Variants in G3BP2 observed in about 807,000 individuals in gnomAD.
The protein encoded by G3BP2 is ras GTPase-activating protein-binding protein 2.
A neutral mutation model predicts 56.7 loss-of-function variants in G3BP2; 11 were observed. The observed-to-expected ratio is 0.19, with a 90% CI of 0.12 to 0.32. The LOEUF is 0.32. Ranked by LOEUF, G3BP2 falls within the 10% of genes least tolerant of loss-of-function variation. The probability of loss-of-function intolerance (pLI) is 1.00; values close to 1 mark genes in which losing one functional copy is unlikely to be tolerated. For missense variants in G3BP2, 340 were observed against 610.9 expected, an observed-to-expected ratio of 0.56 and a Z score of 4.67; for synonymous variants, 165 against 191.6, an observed-to-expected ratio of 0.86 and a Z score of 1.15.
At chr4:75,659,244 T>C (rs566497901) in intron 2 of G3BP2, among the ~76,000 whole-genome samples, 1 of 152,336 alleles carries the variant, frequency 6.6e-6, no homozygotes, top group East Asian at 1.9e-4. Context: ...TTTTTGATGA[T>C]TTAGTACATT....
intron 8 of G3BP2, among the ~76,000 whole-genome samples, chr4:75,650,938 A>T (rs1312529820): frequency 1.3e-5 from 2 of 152,232 alleles, no homozygotes; most frequent in Non-Finnish European, 2.9e-5. Context: ...TTCAGTAACT[A>T]TTTGTTCATT....
chr4:75,665,449 C>T (rs1732933599), intron 1 of G3BP2, among the ~76,000 whole-genome samples: 1 of 152,096 alleles, frequency 6.6e-6, no homozygotes, highest in African/African-American at 2.4e-5. Context: ...ACATATGCTA[C>T]ATTTAAAGTA....
At chr4:75,685,651 C>T (rs566248745) in intron 3 of G3BP2, among the ~76,000 whole-genome samples, 1 of 152,216 alleles carries the variant, frequency 6.6e-6, no homozygotes, top group East Asian at 1.9e-4. Flanking sequence ...GGCACAATTG[C>T]AGTTAGAACT....
intron 4 of G3BP2, among the ~76,000 whole-genome samples, chr4:75,657,351 C>T (rs536949236): frequency 6.6e-6 from 1 of 152,304 alleles, no homozygotes; most frequent in East Asian, 1.9e-4. Flanking sequence ...TCTTAATCAT[C>T]TATTTACAAA....
At chr4:75,692,698 T>C (rs1718918869) in intron 3 of G3BP2, among the ~76,000 whole-genome samples, 1 of 152,168 alleles carries the variant, frequency 6.6e-6, no homozygotes, top group African/African-American at 2.4e-5. Context: ...GGCTTTGCAT[T>C]GTATCTTTAT....
intron 3 of G3BP2, among the ~76,000 whole-genome samples, chr4:75,683,763 A>C (rs974319666): frequency 1.3e-5 from 2 of 152,032 alleles, no homozygotes; most frequent in African/African-American, 2.4e-5. Context: ...AGGAGCTCCC[A>C]GTTATCTCCC....
chr4:75,649,044 CAA>C (rs5859471), intron 8 of G3BP2: 320 of 170,400 alleles, frequency 1.9e-3, no homozygotes, highest in East Asian at 4.9e-3. Context: ...GTATTGCTAC[CAA>C]AAAAAAAAAT....
chr4:75,648,718 T>C lies in G3BP2; in HGVS notation c.849A>G (p.Glu283=). The part of the protein sequence containing the change: ...VSQPRVEAKP[E]VQSQPPRVRE... ...GCACACGAGGTGGCTGAGATTGAACTTCTGGTTTAGCTTCGACTCTTGGCT... is the reference window on the plus strand; with the variant it reads ...GCACACGAGGTGGCTGAGATTGAACCTCTGGTTTAGCTTCGACTCTTGGCT... Residue 283 remains glutamate (E), a synonymous_variant, in exon 9 of 12, where the codon GAA becomes GAG. Coordinates refer to ENST00000359707, the MANE Select transcript of G3BP2 (RefSeq NM_203505.3). 1 of 1,606,718 alleles carries C rather than the reference T, an allele frequency of 6.2e-7. No homozygotes were observed. Among genetic ancestry groups the C allele is most frequent in the Non-Finnish European group, 8.5e-7 (1 of 1,174,114 alleles).
At chr4:75,712,967 A>G (rs144670023) in intron 3 of G3BP2, among the ~76,000 whole-genome samples, 1,739 of 152,298 alleles carry the variant, frequency 0.011, 25 homozygotes, top group Non-Finnish European at 0.018. Flanking sequence ...CAGACCTGTT[A>G]TGCTATTTAC....
At chr4:75,705,431 T>C (rs1330487464) in intron 3 of G3BP2, among the ~76,000 whole-genome samples, 1 of 152,244 alleles carries the variant, frequency 6.6e-6, no homozygotes, top group East Asian at 1.9e-4. Flanking sequence ...ATTCCTACTT[T>C]CCAGTGGATT....
At chr4:75,686,667 T>C (rs60945555) in intron 3 of G3BP2, among the ~76,000 whole-genome samples, 25,464 of 152,030 alleles carry the variant, frequency 0.17, 2,218 homozygotes, top group South Asian at 0.35. Context: ...AGAGCATGGC[T>C]TACAATAGTG....
At chr4:75,672,740 G>C (rs139563181) in intron 1 of G3BP2, 6 of 152,394 alleles carry the variant, frequency 3.9e-5, no homozygotes, top group African/African-American at 1.4e-4. Context: ...GGGTGGCGAC[G>C]GCCTCTCCGC....
chr4:75,646,529 A>G lies in G3BP2; in HGVS notation c.1058-73T>C, dbSNP rs941821576. ...ACCTTGATGGCTCTAATTGTTCAGG[A>G]TGAATATCGTTATCTCCCCGATCCA... On this transcript the variant is annotated intron_variant, in intron 10 of 11. Transcript: ENST00000359707. 7 of 893,276 alleles carry G rather than the reference A, an allele frequency of 7.8e-6. 1 individual carries two copies. Among genetic ancestry groups the G allele is most frequent in the Non-Finnish European group, 1.3e-5 (7 of 535,872 alleles). 55.3% of individuals were successfully genotyped at this position (893,276 alleles called of 1,614,324 possible).
chr4:75,707,426 G>C (rs1719591348), intron 3 of G3BP2, among the ~76,000 whole-genome samples: 1 of 151,782 alleles, frequency 6.6e-6, no homozygotes, highest in African/African-American at 2.4e-5. Flanking sequence ...TCAAGGCCAC[G>C]GTGAAACCCC....
chr4:75,655,110 GAGT>G lies in G3BP2; in HGVS notation c.679_681del (p.Thr227del). On this transcript the variant is annotated inframe_deletion, in exon 7 of 12. Coordinates refer to ENST00000359707, the MANE Select transcript of G3BP2 (RefSeq NM_203505.3). ...AGAGAAACAGGTTCTGCCGGAGGAGGAGTAGTAGATTTCTCCTCTAGTTCTTCT... is the reference window on the plus strand; with the variant it reads ...AGAGAAACAGGTTCTGCCGGAGGAGGAGTAGATTTCTCCTCTAGTTCTTCT... The G allele has an allele frequency of 6.2e-7, 1 of 1,613,014 alleles. No homozygotes were observed. Among genetic ancestry groups the G allele is most frequent in the Non-Finnish European group, 8.5e-7 (1 of 1,179,112 alleles).
At chr4:75,719,613 G>C (rs750684778) in intron 3 of G3BP2, among the ~76,000 whole-genome samples, 1 of 151,866 alleles carries the variant, frequency 6.6e-6, no homozygotes, top group South Asian at 2.1e-4. Flanking sequence ...TTTTTGAGAC[G>C]GAGTTTCGCT....
intron 1 of G3BP2, among the ~76,000 whole-genome samples, chr4:75,667,708 G>A (rs566918847): frequency 2.0e-5 from 3 of 152,238 alleles, no homozygotes; most frequent in Non-Finnish European, 2.9e-5. Flanking sequence ...GGCTAACACA[G>A]TGAAAGCCCG....
Position 75,643,507 on chromosome 4 carries a change from A to G in G3BP2, c.*1923T>C, listed in dbSNP as rs1340198516. On this transcript the variant is annotated 3_prime_UTR_variant, in exon 12 of 12. Coordinates refer to ENST00000359707, the MANE Select transcript of G3BP2 (RefSeq NM_203505.3). ...AAAAAAAAAATCCTTAAGCCCCCCAAAAATGGAAACTATGAAAATCTGTGT... is the reference window on the plus strand; with the variant it reads ...AAAAAAAAAATCCTTAAGCCCCCCAGAAATGGAAACTATGAAAATCTGTGT... The G allele has an allele frequency of 1.3e-5, 2 of 151,754 alleles. No homozygotes were observed. Among genetic ancestry groups the G allele is most frequent in the African/African-American group, 4.8e-5 (2 of 41,262 alleles). 9.4% of individuals were successfully genotyped at this position (151,754 alleles called of 1,614,324 possible).
At chr4:75,681,804 G>A (rs1324807090) in intron 3 of G3BP2, among the ~76,000 whole-genome samples, 5 of 145,726 alleles carry the variant, frequency 3.4e-5, no homozygotes, top group East Asian at 4.0e-4. Flanking sequence ...AGCCAAGATC[G>A]CACCACTGCA....
Sources: allele counts gnomAD v4.1 joint callset (sites outside exome capture counted in the v4.1 genomes callset), GRCh38; gene constraint gnomAD v4.1.1; transcripts MANE v1.5; gene names NCBI Gene and HGNC (gene_info 2026-07-23, HGNC 2026-07-21).